Variants in ARHGAP42 observed in about 807,000 individuals in gnomAD.
ARHGAP42 encodes rho GTPase-activating protein 42.
Under a neutral mutation model 125.0 loss-of-function variants are expected in ARHGAP42, and 63 were observed. That is an observed-to-expected ratio of 0.50 (90% CI 0.41 to 0.62). ARHGAP42 has a LOEUF of 0.62. Ranked by LOEUF, ARHGAP42 falls within the 20% of genes least tolerant of loss-of-function variation. ARHGAP42 has a pLI of 0.00. For synonymous variants in ARHGAP42, 339 were observed against 351.0 expected (o/e 0.97, Z 0.38); for missense variants, 766 against 1,024.2 (o/e 0.75, Z 3.44).
chr11:100,772,269 C>T (rs562567203), intron 2 of ARHGAP42, among the ~76,000 whole-genome samples: 1 of 152,316 alleles, frequency 6.6e-6, no homozygotes, highest in Admixed American at 6.5e-5. Context: ...TGCCTGCATT[C>T]ACAAGAGCTC....
chr11:100,838,812 C>T (rs564347654), intron 3 of ARHGAP42, among the ~76,000 whole-genome samples: 1 of 152,042 alleles, frequency 6.6e-6, no homozygotes, highest in African/African-American at 2.4e-5. Flanking sequence ...GTTGTTGAGT[C>T]GTCAGTCATT....
In ARHGAP42 at chr11:100,870,739, A is replaced by G. The variant is rs1014169347; in HGVS notation, c.384+11114A>G. ...CTTATGTTTTAGAGTTCAAAGTTAC[A>G]GATACAAACAGGAGTATGTTTCAAG... On this transcript the variant is annotated intron_variant, in intron 4 of 23. Transcript: ENST00000298815. Among the ~76,000 whole-genome samples the G allele has an allele frequency of 3.9e-5, 6 of 152,234 alleles. No individual in the cohort carries two copies. In the East Asian group the frequency reaches 9.6e-4, roughly 24 times the overall value.
intron 3 of ARHGAP42, among the ~76,000 whole-genome samples, chr11:100,824,774 G>A (rs1427532792): frequency 1.3e-5 from 2 of 152,156 alleles, no homozygotes; most frequent in African/African-American, 4.8e-5. Context: ...ACTTATGTCT[G>A]TGAAAGCAGT....
chr11:100,750,555 C>T lies in ARHGAP42; in HGVS notation c.155-19788C>T, dbSNP rs1053485079. Among the ~76,000 whole-genome samples, 22 of 145,720 alleles carry T rather than the reference C, an allele frequency of 1.5e-4. No individual in the cohort carries two copies. The Admixed American group carries it at 1.5e-3, about 10-fold the overall frequency. On this transcript the variant is annotated intron_variant, in intron 1 of 23. Transcript: ENST00000298815. ...GGTTCTTATTCCTGATGCACGTGGC[C>T]CCTGCTGCTGTGTCCTTCCCCTATT...
chr11:100,938,403 A>G (rs1867792324), intron 8 of ARHGAP42, among the ~76,000 whole-genome samples: 1 of 151,866 alleles, frequency 6.6e-6, no homozygotes, highest in Non-Finnish European at 1.5e-5. Flanking sequence ...CTCACAGTTC[A>G]TTTCTCCTTA....
intron 1 of ARHGAP42, among the ~76,000 whole-genome samples, chr11:100,748,855 T>C (rs1254188425): frequency 1.3e-5 from 2 of 152,232 alleles, no homozygotes; most frequent in African/African-American, 4.8e-5. Context: ...TTATTAATTA[T>C]AGGTTTTAAA....
At chr11:100,717,599 T>C (rs1861685936) in intron 1 of ARHGAP42, among the ~76,000 whole-genome samples, 1 of 132,594 alleles carries the variant, frequency 7.5e-6, no homozygotes, top group African/African-American at 2.9e-5. Context: ...ATTGTGCCAC[T>C]GCACTCTAGC....
intron 4 of ARHGAP42, among the ~76,000 whole-genome samples, chr11:100,913,030 C>T (rs543183502): frequency 1.3e-5 from 2 of 152,182 alleles, no homozygotes; most frequent in South Asian, 4.1e-4. Context: ...TATATATTGA[C>T]TCATCTGAAT....
At chr11:100,814,978 A>G (rs1295783025) in intron 3 of ARHGAP42, among the ~76,000 whole-genome samples, 1 of 152,222 alleles carries the variant, frequency 6.6e-6, no homozygotes, top group Non-Finnish European at 1.5e-5. Flanking sequence ...CTCAGTTTAC[A>G]TAAGATGTGA....
At chr11:100,901,595 TTTACCTA>T (rs1334540699) in intron 4 of ARHGAP42, among the ~76,000 whole-genome samples, 2 of 152,148 alleles carry the variant, frequency 1.3e-5, no homozygotes, top group Admixed American at 6.5e-5. Flanking sequence ...GGCCACTTTG[TTTACCTA>T]TTCAAGCCTC....
Position 100,764,671 on chromosome 11 carries a change from G to A in ARHGAP42, c.155-5672G>A, listed in dbSNP as rs1862788922. ...ACTGTAAAAGCCACATTAGGGGCTT[G>A]TAAGAATGTGAAAGGAAAGAAGGGA... On this transcript the variant is annotated intron_variant, in intron 1 of 23. Coordinates refer to ENST00000298815, the MANE Select transcript of ARHGAP42 (RefSeq NM_152432.4). 2.0e-5 allele frequency among the ~76,000 whole-genome samples: 3 copies of A among 152,178 alleles called. No individual in the cohort carries two copies. In the South Asian group the frequency reaches 6.2e-4, roughly 32 times the overall value.
At chr11:100,911,883 A>G (rs1287615422) in intron 4 of ARHGAP42, among the ~76,000 whole-genome samples, 2 of 152,152 alleles carry the variant, frequency 1.3e-5, no homozygotes, top group African/African-American at 4.8e-5. Context: ...AATAAGAATT[A>G]TTTGAATAGT....
intron 1 of ARHGAP42, among the ~76,000 whole-genome samples, chr11:100,750,931 G>A (rs1291827557): frequency 6.9e-6 from 1 of 144,842 alleles, no homozygotes; most frequent in Non-Finnish European, 1.5e-5. Flanking sequence ...CTTCCTTGAT[G>A]TATACTTTTT....
intron 4 of ARHGAP42, among the ~76,000 whole-genome samples, chr11:100,863,633 T>A (rs1865501847): frequency 6.6e-6 from 1 of 152,226 alleles, no homozygotes; most frequent in South Asian, 2.1e-4. Flanking sequence ...GTTGTTGAAC[T>A]GAAGGACAGA....
intron 1 of ARHGAP42, among the ~76,000 whole-genome samples, chr11:100,728,714 GTATATATATATATATA>G (rs57293905): frequency 7.5e-4 from 53 of 70,406 alleles, no homozygotes; most frequent in African/African-American, 1.2e-3. Context: ...ATGACTTTGC[GTATATATATATATATA>G]TATATATATA....
At chr11:100,743,139 T>C (rs1862223845) in intron 1 of ARHGAP42, among the ~76,000 whole-genome samples, 1 of 152,214 alleles carries the variant, frequency 6.6e-6, no homozygotes. Context: ...GTTTTCTTCA[T>C]TGTGTTACTG....
At chr11:100,801,735 G>T (rs903901236) in intron 3 of ARHGAP42, among the ~76,000 whole-genome samples, 8 of 152,148 alleles carry the variant, frequency 5.3e-5, no homozygotes, top group African/African-American at 4.8e-5. Flanking sequence ...TTTGAGGAGG[G>T]TATAGTTTAT....
intron 4 of ARHGAP42, among the ~76,000 whole-genome samples, chr11:100,874,942 T>C (rs1865775733): frequency 2.0e-5 from 3 of 152,164 alleles, no homozygotes. Context: ...ATGACTCTGT[T>C]CTCTTTTACC....
chr11:100,812,068 T>C (rs1432392127), intron 3 of ARHGAP42, among the ~76,000 whole-genome samples: 1 of 152,152 alleles, frequency 6.6e-6, no homozygotes, highest in Non-Finnish European at 1.5e-5. Flanking sequence ...CCCAAAGTGC[T>C]AGGATTACAG....
Sources: allele counts gnomAD v4.1 joint callset (sites outside exome capture counted in the v4.1 genomes callset), GRCh38; gene constraint gnomAD v4.1.1; transcripts MANE v1.5; gene names NCBI Gene and HGNC (gene_info 2026-07-23, HGNC 2026-07-21).